Variants in SCARA5 observed in about 807,000 individuals in gnomAD.
SCARA5 encodes scavenger receptor class A, member 5 (putative).
SCARA5 carries 45 observed loss-of-function variants against 46.3 expected under a neutral mutation model. That is an observed-to-expected ratio of 0.97 (90% confidence interval 0.76 to 1.24). The LOEUF (loss-of-function observed/expected upper bound fraction) is 1.24, where lower values mean the gene tolerates loss of function less well. SCARA5 is among the 50% of genes most tolerant of loss of function. SCARA5 has a pLI of 0.00. For synonymous variants in SCARA5, 333 were observed against 306.5 expected (o/e 1.09, Z -0.90); for missense variants, 680 against 689.0 (o/e 0.99, Z 0.15).
At chr8:27,960,558 G>T (rs576780178) in intron 3 of SCARA5, among the ~76,000 whole-genome samples, 1 of 152,152 alleles carries the variant, frequency 6.6e-6, no homozygotes, top group East Asian at 1.9e-4. Context: ...AGCCCCATGG[G>T]GTAGGCACCA....
At chr8:27,935,556 G>A (rs1585499895) in intron 3 of SCARA5, among the ~76,000 whole-genome samples, 1 of 152,162 alleles carries the variant, frequency 6.6e-6, no homozygotes, top group South Asian at 2.1e-4. Context: ...AGCAAGCAGG[G>A]TGACAGCACC....
At chr8:27,921,522 AC>A (rs1807583291) in intron 4 of SCARA5, 48 bp downstream of exon 4, 8 of 1,466,146 alleles carry the variant, frequency 5.5e-6, no homozygotes, top group Non-Finnish European at 6.4e-6. Context: ...CAGGAGGAAG[AC>A]CCCATCAGAA....
At chr8:27,894,402 C>T (rs1807029683) in intron 7 of SCARA5, among the ~76,000 whole-genome samples, 1 of 152,176 alleles carries the variant, frequency 6.6e-6, no homozygotes, top group South Asian at 2.1e-4. Flanking sequence ...CTCACAACAG[C>T]CCTATGGGGT....
In SCARA5 at chr8:27,870,118, G is replaced by A. The variant is rs368062739; in HGVS notation, c.*1816C>T. On this transcript the variant is annotated 3_prime_UTR_variant, in exon 9 of 9. Transcript: ENST00000354914. ...TGTCCCTAATGGAAAGACCAAGTAAGAGAGTTATGTGCGTCTTCATGGAAG... is the reference window on the plus strand; with the variant it reads ...TGTCCCTAATGGAAAGACCAAGTAAAAGAGTTATGTGCGTCTTCATGGAAG... 5 of 152,074 alleles carry A rather than the reference G, an allele frequency of 3.3e-5. No individual in the cohort carries two copies. The highest frequency in any genetic ancestry group is 9.6e-5 in the African/African-American group (4 of 41,502). The allele number at this position is 152,074 out of a possible 1,614,324, so 9.4% of individuals were successfully genotyped here.
chr8:27,879,367 T>A (rs1461341576), intron 8 of SCARA5, among the ~76,000 whole-genome samples: 1 of 152,058 alleles, frequency 6.6e-6, no homozygotes, highest in East Asian at 1.9e-4. Context: ...AAAGGAAGAA[T>A]GTTCTAATCA....
rs1808806730 is a variant in SCARA5, at chr8:27,992,653, G to T, written c.-412C>A. ...ACTGCCTGAGATGCGAACTGCAGCT[G>T]CTCTCGCCGCCAGTCCGTATAAAAT... On this transcript the variant is annotated 5_prime_UTR_variant, in exon 1 of 9. Transcript: ENST00000354914. 1 of 152,304 alleles carries T rather than the reference G, an allele frequency of 6.6e-6. No homozygotes were observed. Among genetic ancestry groups the T allele is most frequent in the Admixed American group, 6.5e-5 (1 of 15,280 alleles). The allele number at this position is 152,304 out of a possible 1,614,324, so 9.4% of individuals were successfully genotyped here. A position where few individuals can be genotyped will look rare whatever the true frequency, so the allele number is the denominator to read the frequency against.
intron 3 of SCARA5, among the ~76,000 whole-genome samples, chr8:27,933,735 G>A (rs990415233): frequency 8.5e-5 from 13 of 152,052 alleles, no homozygotes; most frequent in Non-Finnish European, 1.8e-4. Context: ...TTCAAAACAG[G>A]GGAAACCTTT....
intron 7 of SCARA5, among the ~76,000 whole-genome samples, chr8:27,881,629 A>G (rs966622075): frequency 1.3e-5 from 2 of 152,194 alleles, no homozygotes; most frequent in Admixed American, 6.5e-5. Context: ...GCATCACGCA[A>G]TATACCCAGG....
chr8:27,919,250 A>C (rs79176870), intron 4 of SCARA5, among the ~76,000 whole-genome samples: 8 of 27,910 alleles, frequency 2.9e-4, no homozygotes, highest in East Asian at 2.1e-3. Flanking sequence ...CGGAGGAGGA[A>C]GAGAAAGAGG....
intron 3 of SCARA5, among the ~76,000 whole-genome samples, chr8:27,927,829 A>T (rs1807706319): frequency 6.6e-6 from 1 of 152,224 alleles, no homozygotes; most frequent in Non-Finnish European, 1.5e-5. Context: ...TACAGATTTT[A>T]AAATGTGCCG....
At position 27,871,121 on chromosome 8, in the gene SCARA5, G is replaced by C. The variant is rs1806630630; in HGVS notation, c.*813C>G. Reference sequence around the variant, plus strand: ...AGCTCAGGCCAAGTAAAGACAATAAGTTCAGGTGGGCACACGGTCTCAGTC... The same window carrying C: ...AGCTCAGGCCAAGTAAAGACAATAACTTCAGGTGGGCACACGGTCTCAGTC... On this transcript the variant is annotated 3_prime_UTR_variant, in exon 9 of 9. Transcript: ENST00000354914. 1.3e-5 allele frequency: 2 copies of C among 152,242 alleles called. No homozygotes were observed. Among genetic ancestry groups the C allele is most frequent in the African/African-American group, 4.8e-5 (2 of 41,440 alleles). 9.4% of individuals were successfully genotyped at this position (152,242 alleles called of 1,614,324 possible). A position where few individuals can be genotyped will look rare whatever the true frequency, so the allele number is the denominator to read the frequency against.
intron 3 of SCARA5, among the ~76,000 whole-genome samples, chr8:27,957,521 T>C (rs1419028794): frequency 6.6e-6 from 1 of 152,212 alleles, no homozygotes; most frequent in East Asian, 1.9e-4. Flanking sequence ...ACATAGCAAT[T>C]GGCAAAGTCA....
chr8:27,988,572 T>C (rs1259333402), intron 1 of SCARA5, among the ~76,000 whole-genome samples: 2 of 152,226 alleles, frequency 1.3e-5, no homozygotes, highest in Admixed American at 6.5e-5. Flanking sequence ...GGATTTAATA[T>C]TCCTTTTTGC....
chr8:27,961,737 G>A (rs1410724166), intron 3 of SCARA5, among the ~76,000 whole-genome samples: 3 of 152,122 alleles, frequency 2.0e-5, no homozygotes, highest in Admixed American at 1.3e-4. Flanking sequence ...CTTAAATGCT[G>A]TAATGTCAAT....
At chr8:27,894,380 C>T (rs890428430) in intron 7 of SCARA5, among the ~76,000 whole-genome samples, 1 of 152,206 alleles carries the variant, frequency 6.6e-6, no homozygotes, top group African/African-American at 2.4e-5. Context: ...ACATAAAGTG[C>T]TTTTCATCCA....
chr8:27,979,750 A>G (rs7832350), intron 2 of SCARA5, among the ~76,000 whole-genome samples: 83,479 of 151,760 alleles, frequency 0.55, 23,595 homozygotes, highest in Middle Eastern at 0.69. Flanking sequence ...TAGTAGAGAC[A>G]GGGTTCCACC....
At chr8:27,915,009 G>A (rs1807438860) in intron 4 of SCARA5, among the ~76,000 whole-genome samples, 1 of 152,142 alleles carries the variant, frequency 6.6e-6, no homozygotes, top group Admixed American at 6.5e-5. Context: ...CAAATTATGA[G>A]GACAGCTGAT....
At position 27,887,921 on chromosome 8, in the gene SCARA5, TAA is replaced by T. The variant is rs377414749; in HGVS notation, c.1154-8157_1154-8156del. Among the ~76,000 whole-genome samples the T allele has an allele frequency of 9.2e-5, 14 of 152,288 alleles. No homozygotes were observed. The East Asian group carries it at 1.7e-3, about 19-fold the overall frequency. ...ACCTCTGATGACTCTCTATAGAAAC[TAA>T]AGAGAACATCTTAACATATGTCCCT... On this transcript the variant is annotated intron_variant, in intron 7 of 8. Coordinates refer to ENST00000354914, the MANE Select transcript of SCARA5 (RefSeq NM_173833.6).
At chr8:27,894,635 A>G (rs573868776) in intron 7 of SCARA5, among the ~76,000 whole-genome samples, 2 of 152,204 alleles carry the variant, frequency 1.3e-5, no homozygotes, top group Non-Finnish European at 2.9e-5. Flanking sequence ...ACAACTCCCT[A>G]GTTGTGGGGC....
Sources: allele counts gnomAD v4.1 joint callset (sites outside exome capture counted in the v4.1 genomes callset), GRCh38; gene constraint gnomAD v4.1.1; transcripts MANE v1.5; gene names NCBI Gene and HGNC (gene_info 2026-07-23, HGNC 2026-07-21).